C5orf52: variants seen among roughly 807,000 people sequenced by gnomAD.
C5orf52 encodes the protein uncharacterized protein C5orf52.
Under a neutral mutation model 16.8 loss-of-function variants are expected in C5orf52, and 15 were observed. The ratio of observed to expected loss-of-function variants is 0.89; its 90% CI spans 0.60 to 1.38. The LOEUF is 1.38. Among genes scored for constraint, C5orf52 ranks in the 40% most tolerant of loss-of-function variants. The pLI is 0.00. For synonymous variants in C5orf52, 83 were observed against 87.2 expected, an observed-to-expected ratio of 0.95 and a Z score of 0.27; for missense variants, 206 against 213.1, an observed-to-expected ratio of 0.97 and a Z score of 0.21.
At chr5:157,676,772 T>A (rs1759900951) in intron 2 of C5orf52, among the ~76,000 whole-genome samples, 1 of 152,178 alleles carries the variant, frequency 6.6e-6, no homozygotes, top group South Asian at 2.1e-4. Flanking sequence ...GTCGCCAATG[T>A]TTTTGGGGAA....
intron 2 of C5orf52, among the ~76,000 whole-genome samples, chr5:157,676,321 C>T (rs539929594): frequency 9.9e-5 from 15 of 152,254 alleles, no homozygotes; most frequent in East Asian, 3.9e-4. Context: ...GATCCACCCA[C>T]CTCAGACTCC....
intron 1 of C5orf52, among the ~76,000 whole-genome samples, chr5:157,672,514 G>A (rs568264003): frequency 6.6e-6 from 1 of 152,118 alleles, no homozygotes; most frequent in South Asian, 2.1e-4. Context: ...AGAGTTTTAT[G>A]TGTCCTTAAA....
chr5:157,677,670 G>A (rs13171772), intron 2 of C5orf52, among the ~76,000 whole-genome samples: 11,945 of 134,512 alleles, frequency 0.089, 711 homozygotes, highest in South Asian at 0.13. Flanking sequence ...AAAAAAAAAA[G>A]AAAAGAAAAG....
rs754258297 is a variant in C5orf52, at chr5:157,675,153, G to A, written c.274G>A (p.Val92Met). The change falls in exon 2 of 3, where the codon GTG becomes ATG. Residue 92 changes from valine (V) to methionine (M), a missense_variant. Coordinates refer to ENST00000409999, the MANE Select transcript of C5orf52 (RefSeq NM_001145132.2). ...KTLPKSHLSR[V>M]IIHDNRITQR... ...TTTACCCAAGAGCCATTTATCTCGG[G>A]TGATTATTCATGATAACCGCATCAC... 47 of 1,551,406 alleles carry A rather than the reference G, an allele frequency of 3.0e-5. No individual in the cohort carries two copies. In the African/African-American group the frequency reaches 6.3e-4, roughly 21 times the overall value.
chr5:157,680,071 C>T lies in C5orf52; in HGVS notation c.*72C>T. ...GATCTGCCCCAGGGTCACGATGACACCAGTGTGACCCGAGGAGAACTAGTA... is the reference window on the plus strand; with the variant it reads ...GATCTGCCCCAGGGTCACGATGACATCAGTGTGACCCGAGGAGAACTAGTA... On this transcript the variant is annotated 3_prime_UTR_variant, in exon 3 of 3. Coordinates refer to ENST00000409999, the MANE Select transcript of C5orf52 (RefSeq NM_001145132.2). 2.2e-6 allele frequency: 3 copies of T among 1,374,704 alleles called. No homozygotes were observed. Among genetic ancestry groups the T allele is most frequent in the Admixed American group, 5.1e-5 (2 of 39,502 alleles). 85.2% of individuals were successfully genotyped at this position (1,374,704 alleles called of 1,614,324 possible).
chr5:157,672,448 G>A (rs1178474392), intron 1 of C5orf52, among the ~76,000 whole-genome samples: 3 of 152,082 alleles, frequency 2.0e-5, no homozygotes, highest in Non-Finnish European at 4.4e-5. Flanking sequence ...TCCAGTCGTT[G>A]CCACCCTCTT....
intron 2 of C5orf52, among the ~76,000 whole-genome samples, chr5:157,676,913 G>A (rs1895343): frequency 7.0e-6 from 1 of 142,738 alleles, no homozygotes; most frequent in Non-Finnish European, 1.5e-5. Context: ...CTTTTGCTCA[G>A]GCTGGAGGGC....
intron 2 of C5orf52, among the ~76,000 whole-genome samples, chr5:157,676,412 TC>T (rs1759895589): frequency 1.3e-5 from 2 of 152,108 alleles, no homozygotes; most frequent in African/African-American, 2.4e-5. Context: ...CCTTCCATGT[TC>T]CAGGGTCAAG....
chr5:157,675,850 T>G (rs778354708), intron 2 of C5orf52, among the ~76,000 whole-genome samples: 1 of 152,196 alleles, frequency 6.6e-6, no homozygotes, highest in Non-Finnish European at 1.5e-5. Flanking sequence ...CTCCCACTTT[T>G]TGCTATGGAC....
chr5:157,674,427 T>C (rs1189546463), intron 1 of C5orf52, among the ~76,000 whole-genome samples: 1 of 152,138 alleles, frequency 6.6e-6, no homozygotes, highest in African/African-American at 2.4e-5. Context: ...TCCTCTCCTC[T>C]AAGACTCCTC....
chr5:157,674,983 C>T, intron 1 of C5orf52, 109 bp from the exon 2 acceptor site: 1 of 657,686 alleles, frequency 1.5e-6, no homozygotes, highest in Non-Finnish European at 2.7e-6. Flanking sequence ...TGCACTTGTC[C>T]CAAGAAACCC....
intron 2 of C5orf52, among the ~76,000 whole-genome samples, chr5:157,675,780 T>C (rs952634890): frequency 6.6e-6 from 1 of 152,136 alleles, no homozygotes; most frequent in African/African-American, 2.4e-5. Flanking sequence ...CTCAACACCA[T>C]CTTGTCAATT....
At chr5:157,675,591 G>T (rs757289242) in intron 2 of C5orf52, among the ~76,000 whole-genome samples, 2 of 152,074 alleles carry the variant, frequency 1.3e-5, no homozygotes, top group Non-Finnish European at 2.9e-5. Flanking sequence ...ATCACTTGAG[G>T]TCAGGAATTC....
chr5:157,677,672 AAAG>A (rs1759926993), intron 2 of C5orf52, among the ~76,000 whole-genome samples: 3 of 149,990 alleles, frequency 2.0e-5, no homozygotes, highest in Admixed American at 6.6e-5. Flanking sequence ...AAAAAAAAGA[AAAG>A]AAAAGAAAAG....
chr5:157,671,827 G>T lies in C5orf52; in HGVS notation c.212+1G>T. On this transcript the variant is annotated splice_donor_variant, in intron 1 of 2. Transcript: ENST00000409999. LOFTEE classifies it high-confidence loss of function. ...CCGCGCAGCAGCCGGTGCTGTTCAG[G>T]TGTGGCCCGCATGCCCAGAGCGTTC... 1 of 1,513,626 alleles carries T rather than the reference G, an allele frequency of 6.6e-7. No homozygotes were observed. Among genetic ancestry groups the T allele is most frequent in the Non-Finnish European group, 8.9e-7 (1 of 1,127,172 alleles). 93.8% of individuals were successfully genotyped at this position (1,513,626 alleles called of 1,614,324 possible).
chr5:157,671,375 C>T, upstream of C5orf52: 1 of 538,688 alleles, frequency 1.9e-6, no homozygotes, highest in South Asian at 2.6e-5. Flanking sequence ...AGCAACGCGC[C>T]GGGTCTCACC....
intron 2 of C5orf52, among the ~76,000 whole-genome samples, chr5:157,676,871 C>CTTTTTTTTTTTTTTT (rs35620575): frequency 1.5e-4 from 15 of 97,136 alleles, no homozygotes; most frequent in Non-Finnish European, 2.6e-4. Flanking sequence ...CTTTTTTTTT[C>CTTTTTTTTTTTTTTT]TTTTTTTTTT....
At position 157,680,082 on chromosome 5, in the gene C5orf52, C is replaced by A; in HGVS notation, c.*83C>A. On this transcript the variant is annotated 3_prime_UTR_variant, in exon 3 of 3. Coordinates refer to ENST00000409999, the MANE Select transcript of C5orf52 (RefSeq NM_001145132.2). Reference sequence around the variant, plus strand: ...GGGTCACGATGACACCAGTGTGACCCGAGGAGAACTAGTAACTACAACCTA... The same window carrying A: ...GGGTCACGATGACACCAGTGTGACCAGAGGAGAACTAGTAACTACAACCTA... 1 of 1,283,782 alleles carries A rather than the reference C, an allele frequency of 7.8e-7. No individual in the cohort carries two copies. Among genetic ancestry groups the A allele is most frequent in the South Asian group, 1.5e-5 (1 of 66,770 alleles). 79.5% of individuals were successfully genotyped at this position (1,283,782 alleles called of 1,614,324 possible). A position where few individuals can be genotyped will look rare whatever the true frequency, so the allele number is the denominator to read the frequency against.
intron 1 of C5orf52, 117 bp downstream of exon 1, chr5:157,671,943 A>C (rs1407681051): frequency 3.0e-5 from 19 of 631,540 alleles, no homozygotes; most frequent in Non-Finnish European, 4.3e-5. Context: ...ACCCCAGGAT[A>C]GTCGATTTCT....
Sources: gnomAD v4.1 joint callset for allele counts (sites outside exome capture counted in the v4.1 genomes callset) on GRCh38, gnomAD v4.1.1 for gene constraint, MANE v1.5 for transcripts, NCBI Gene and HGNC (gene_info 2026-07-23, HGNC 2026-07-21) for gene names.